STXBP5L: variants seen among roughly 807,000 people sequenced by gnomAD.
The protein encoded by STXBP5L is syntaxin-binding protein 5-like.
Under a neutral mutation model 144.5 loss-of-function variants are expected in STXBP5L, and 65 were observed. That is an observed-to-expected ratio of 0.45 (90% CI 0.37 to 0.55). The LOEUF (loss-of-function observed/expected upper bound fraction) is 0.55. Ranked by LOEUF, STXBP5L falls within the 20% of genes least tolerant of loss-of-function variation. The pLI is 0.00. For synonymous variants in STXBP5L, 505 were observed against 469.6 expected (o/e 1.08, Z -0.97); for missense variants, 1,298 against 1,405.5 (o/e 0.92, Z 1.22).
intron 9 of STXBP5L, among the ~76,000 whole-genome samples, chr3:121,194,265 C>A (rs571583503): frequency 6.6e-6 from 1 of 152,122 alleles, no homozygotes; most frequent in Non-Finnish European, 1.5e-5. Context: ...ATAGTCATTT[C>A]AAAGCAATAA....
chr3:120,957,363 A>G (rs1938150160), intron 3 of STXBP5L, among the ~76,000 whole-genome samples: 1 of 152,042 alleles, frequency 6.6e-6, no homozygotes, highest in Admixed American at 6.6e-5. Flanking sequence ...ATGCTGAACC[A>G]TTCATGAATT....
chr3:121,398,914 T>A (rs2046801660), intron 22 of STXBP5L, among the ~76,000 whole-genome samples: 1 of 152,124 alleles, frequency 6.6e-6, no homozygotes, highest in Non-Finnish European at 1.5e-5. Flanking sequence ...AATTCCTACC[T>A]GAATAGAACT....
chr3:121,132,538 A>T (rs569710002), intron 7 of STXBP5L, among the ~76,000 whole-genome samples: 6 of 152,340 alleles, frequency 3.9e-5, no homozygotes, highest in Non-Finnish European at 8.8e-5. Context: ...CTTCTCTATG[A>T]GAACATTTCA....
chr3:121,194,063 T>C (rs2047821646), intron 9 of STXBP5L, among the ~76,000 whole-genome samples: 1 of 152,122 alleles, frequency 6.6e-6, no homozygotes, highest in Non-Finnish European at 1.5e-5. Flanking sequence ...AATTTACCCA[T>C]TTAAAGTATA....
In STXBP5L at chr3:121,418,406, A is replaced by G. The variant is rs1220476526; in HGVS notation, c.3296A>G (p.Glu1099Gly). ...AQHIPGPGSI[E>G]GMKGAAGGVM... ...CACATTCCTGGACCAGGTAGTATAGAAGGGATGAAAGGCGCTGCTGGAGGG... is the reference window on the plus strand; with the variant it reads ...CACATTCCTGGACCAGGTAGTATAGGAGGGATGAAAGGCGCTGCTGGAGGG... Residue 1099 changes from glutamate (E) to glycine (G), a missense_variant, in exon 26 of 27, where the codon GAA becomes GGA. Coordinates refer to ENST00000471454, the MANE Select transcript of STXBP5L (RefSeq NM_001308330.2). 1.2e-6 allele frequency: 2 copies of G among 1,614,050 alleles called. No homozygotes were observed. Among genetic ancestry groups the G allele is most frequent in the Non-Finnish European group, 1.7e-6 (2 of 1,179,952 alleles).
chr3:121,302,219 G>T (rs563474290), intron 19 of STXBP5L, among the ~76,000 whole-genome samples: 1 of 152,222 alleles, frequency 6.6e-6, no homozygotes, highest in African/African-American at 2.4e-5. Flanking sequence ...CTCAATTTCA[G>T]AGCCTGTTAT....
chr3:121,391,112 C>G (rs2046572859), intron 22 of STXBP5L, among the ~76,000 whole-genome samples: 1 of 152,102 alleles, frequency 6.6e-6, no homozygotes, highest in Non-Finnish European at 1.5e-5. Context: ...ACCTTGTTTT[C>G]TCACTTTATT....
intron 19 of STXBP5L, among the ~76,000 whole-genome samples, chr3:121,299,399 C>T (rs1200876186): frequency 1.3e-5 from 2 of 152,068 alleles, no homozygotes; most frequent in East Asian, 3.9e-4. Context: ...AGTGTCAAGG[C>T]ACCCTTTATA....
intron 5 of STXBP5L, among the ~76,000 whole-genome samples, chr3:121,086,144 C>T (rs2042480165): frequency 6.6e-6 from 1 of 152,112 alleles, no homozygotes; most frequent in African/African-American, 2.4e-5. Context: ...TTCCTTATAC[C>T]TTATAGAAAA....
chr3:121,048,279 T>A (rs1185510239), intron 5 of STXBP5L, among the ~76,000 whole-genome samples: 6 of 152,146 alleles, frequency 3.9e-5, no homozygotes, highest in African/African-American at 1.4e-4. Context: ...TGCCTTTCAC[T>A]TTTTCCCTTT....
At chr3:121,332,027 G>A (rs189930504) in intron 20 of STXBP5L, among the ~76,000 whole-genome samples, 4 of 147,956 alleles carry the variant, frequency 2.7e-5, no homozygotes, top group Admixed American at 2.7e-4. Flanking sequence ...GCCAAATTAG[G>A]TTACAAAAAC....
At chr3:121,372,379 G>A (rs1220058367) in intron 20 of STXBP5L, among the ~76,000 whole-genome samples, 1 of 152,142 alleles carries the variant, frequency 6.6e-6, no homozygotes, top group Admixed American at 6.5e-5. Flanking sequence ...TCACTGGTCT[G>A]CTCCATTACA....
intron 3 of STXBP5L, among the ~76,000 whole-genome samples, chr3:120,986,430 C>A (rs1323865740): frequency 6.6e-6 from 1 of 151,822 alleles, no homozygotes. Context: ...TATATTCTAT[C>A]TGGTTGTTTT....
intron 2 of STXBP5L, among the ~76,000 whole-genome samples, chr3:120,929,268 G>A (rs1709796560): frequency 6.6e-6 from 1 of 152,162 alleles, no homozygotes; most frequent in Non-Finnish European, 1.5e-5. Flanking sequence ...TTGCTGCAGG[G>A]ATTGTGGTTT....
At chr3:121,294,972 A>C (rs759668014) in intron 19 of STXBP5L, among the ~76,000 whole-genome samples, 1 of 152,194 alleles carries the variant, frequency 6.6e-6, no homozygotes, top group Non-Finnish European at 1.5e-5. Flanking sequence ...AAATATTGTT[A>C]AACTGAAGAG....
intron 18 of STXBP5L, among the ~76,000 whole-genome samples, chr3:121,262,132 C>T (rs1458162308): frequency 3.9e-5 from 6 of 152,146 alleles, no homozygotes; most frequent in East Asian, 3.9e-4. Flanking sequence ...CTTCCCAAGG[C>T]CCCAACTCTT....
At chr3:120,985,138 T>A (rs1021454304) in intron 3 of STXBP5L, among the ~76,000 whole-genome samples, 2 of 152,114 alleles carry the variant, frequency 1.3e-5, no homozygotes, top group African/African-American at 4.8e-5. Context: ...AGTAGTGTAT[T>A]TGTGTGACTT....
chr3:120,998,395 T>C (rs1190851157), intron 3 of STXBP5L, among the ~76,000 whole-genome samples: 3 of 151,798 alleles, frequency 2.0e-5, no homozygotes, highest in Non-Finnish European at 4.4e-5. Context: ...TTTTTTTTAA[T>C]ATTATACTTT....
At chr3:121,344,582 T>C (rs2044873521) in intron 20 of STXBP5L, among the ~76,000 whole-genome samples, 1 of 152,064 alleles carries the variant, frequency 6.6e-6, no homozygotes, top group Non-Finnish European at 1.5e-5. Flanking sequence ...GTGATAAATA[T>C]GATTGTAAAA....
Sources: gnomAD v4.1 joint callset for allele counts (sites outside exome capture counted in the v4.1 genomes callset) on GRCh38, gnomAD v4.1.1 for gene constraint, MANE v1.5 for transcripts, NCBI Gene and HGNC (gene_info 2026-07-23, HGNC 2026-07-21) for gene names.